SORBS3: variants seen among roughly 807,000 people sequenced by gnomAD.
SORBS3 encodes sorbin and SH3 domain containing 3, also known as vinexin.
In SORBS3, 69 loss-of-function variants were observed where a neutral mutation model predicts 98.0. That is an observed-to-expected ratio of 0.70 (90% CI 0.58 to 0.86). SORBS3 has a LOEUF of 0.86. SORBS3 is among the 40% of genes least tolerant of loss of function. The pLI is 0.00. For missense variants in SORBS3, 954 were observed against 908.5 expected, an observed-to-expected ratio of 1.05 and a Z score of -0.64; for synonymous variants, 394 against 355.4, an observed-to-expected ratio of 1.11 and a Z score of -1.22.
chr8:22,554,485 G>A lies in SORBS3; in HGVS notation c.-22G>A, dbSNP rs1444257103. 1.2e-6 allele frequency: 2 copies of A among 1,605,090 alleles called. No homozygotes were observed. Among genetic ancestry groups the A allele is most frequent in the Non-Finnish European group, 1.7e-6 (2 of 1,177,814 alleles). On this transcript the variant is annotated 5_prime_UTR_variant, in exon 2 of 21. Coordinates refer to ENST00000240123, the MANE Select transcript of SORBS3 (RefSeq NM_005775.5). The surrounding 1 kb of genome is among the most constrained non-coding windows in gnomAD (Gnocchi z 6.5). The stretch of plus-strand genomic sequence containing the variant: ...CAGAGGAGCAGCTGGCTTGCCCGGA[G>A]TCCTCCCACCTTGACCCAAGCATGC...
At chr8:22,571,973 G>A in intron 19 of SORBS3, 152 bp downstream of exon 19, 2 of 634,130 alleles carry the variant, frequency 3.2e-6, no homozygotes, top group South Asian at 1.8e-5. Flanking sequence ...GTGATTTGGG[G>A]CAGGGAGGAG....
In SORBS3 at chr8:22,554,957, G is replaced by C; in HGVS notation, c.197G>C (p.Arg66Thr). The change falls in exon 3 of 21, where the codon AGA becomes ACA. Residue 66 changes from arginine (R) to threonine (T), a missense_variant. Transcript: ENST00000240123. The surrounding 1 kb of genome is among the most constrained non-coding windows in gnomAD (Gnocchi z 6.5). ...GTGTGCAATGGGGGCTACACACCAA[G>C]ACGAGATGCTTCCCAGCACCCGGGT... ...RTVCNGGYTP[R>T]RDASQHPDPA... 2 of 1,613,684 alleles carry C rather than the reference G, an allele frequency of 1.2e-6. No individual in the cohort carries two copies. The highest frequency in any genetic ancestry group is 8.5e-7 in the Non-Finnish European group (1 of 1,179,954).
upstream of SORBS3, among the ~76,000 whole-genome samples, chr8:22,550,870 G>C (rs534568640): frequency 1.7e-4 from 26 of 152,336 alleles, no homozygotes; most frequent in African/African-American, 4.8e-4. Context: ...GGGGATCCCT[G>C]AGCCAACTCA....
At chr8:22,572,278 G>C (rs912877924) in intron 19 of SORBS3, 62 bp from the exon 20 acceptor site, 1 of 1,369,864 alleles carries the variant, frequency 7.3e-7, no homozygotes, top group Non-Finnish European at 1.0e-6. Context: ...CACAGGAAGC[G>C]GCAACACTTG....
At chr8:22,565,895 G>A in intron 12 of SORBS3, 23 bp downstream of exon 12, 1 of 1,242,218 alleles carries the variant, frequency 8.1e-7, no homozygotes, top group Non-Finnish European at 1.0e-6. Flanking sequence ...CGCGGGAGGA[G>A]GAAGGGGGCT....
At chr8:22,564,436 AC>A in intron 9 of SORBS3, 31 bp from the exon 10 acceptor site, 1 of 1,614,046 alleles carries the variant, frequency 6.2e-7, no homozygotes, top group Non-Finnish European at 8.5e-7. Flanking sequence ...AAGTGAGTTC[AC>A]CTGCTCTGAC....
At position 22,561,901 on chromosome 8, in the gene SORBS3, A is replaced by C. The variant is rs1490359599; in HGVS notation, c.554A>C (p.His185Pro). The change falls in exon 7 of 21, where the codon CAC (histidine) becomes CCC (proline). Residue 185 changes from histidine to proline, a missense_variant. His to Pro is a moderately conservative substitution (Grantham distance 77). Coordinates refer to ENST00000240123, the MANE Select transcript of SORBS3 (RefSeq NM_005775.5). ...RHLGAQQRPA[H>P]RPGPATSSSG... The stretch of plus-strand genomic sequence containing the variant: ...CTAGGAGCCCAGCAAAGACCTGCCC[A>C]CAGGCCCGGCCCGGCAACATCTTCC... 1 of 1,614,084 alleles carries C rather than the reference A, an allele frequency of 6.2e-7. No homozygotes were observed. The highest frequency in any genetic ancestry group is 8.5e-7 in the Non-Finnish European group (1 of 1,179,968).
At chr8:22,570,851 G>A in intron 17 of SORBS3, 59 bp from the exon 18 acceptor site, 1 of 1,492,758 alleles carries the variant, frequency 6.7e-7, no homozygotes, top group Non-Finnish European at 9.1e-7. Flanking sequence ...CCCAGATAAG[G>A]CACCCGTGGG....
At chr8:22,556,054 C>A (rs1164944699) in intron 3 of SORBS3, among the ~76,000 whole-genome samples, 1 of 152,190 alleles carries the variant, frequency 6.6e-6, no homozygotes, top group Non-Finnish European at 1.5e-5. Flanking sequence ...AGAGGCTGAG[C>A]TGCAATTCAC....
intron 5 of SORBS3, among the ~76,000 whole-genome samples, chr8:22,558,657 G>C (rs564610288): frequency 6.6e-5 from 10 of 152,332 alleles, no homozygotes; most frequent in Admixed American, 3.3e-4. Context: ...CACTATTCTA[G>C]GTGCCAAAGA....
chr8:22,568,941 C>A (rs1840494529), intron 16 of SORBS3, among the ~76,000 whole-genome samples: 1 of 152,226 alleles, frequency 6.6e-6, no homozygotes, highest in African/African-American at 2.4e-5. Context: ...AATTCTTCTT[C>A]CAGGGAGCGT....
chr8:22,556,686 A>C, intron 3 of SORBS3, 29 bp from the exon 4 acceptor site: 1 of 1,608,130 alleles, frequency 6.2e-7, no homozygotes. Context: ...CCTGCCTTTC[A>C]CTAATGCTCT....
rs1228971353 is a variant in SORBS3, at chr8:22,565,856, C to T, written c.934C>T (p.Gln312Ter). 1 of 1,278,016 alleles carries T rather than the reference C, an allele frequency of 7.8e-7. No individual in the cohort carries two copies. The highest frequency in any genetic ancestry group is 9.9e-7 in the Non-Finnish European group (1 of 1,011,836). 79.2% of individuals were successfully genotyped at this position (1,278,016 alleles called of 1,614,324 possible). Residue 312 changes from glutamine (Q) to a stop codon, truncating the protein, a stop_gained, in exon 12 of 21, where the codon CAG (glutamine) becomes TAG (stop). Coordinates refer to ENST00000240123, the MANE Select transcript of SORBS3 (RefSeq NM_005775.5). LOFTEE classifies it high-confidence loss of function. ...SSPAPRRAPE[Q>*]RPPAGPASAW... ...GCCGGCGCCCCGACGGGCCCCGGAG[C>T]AGCGGCCCCCGGCCGGGTGAGTGGG...
At chr8:22,561,555 C>T (rs1259230813) in intron 6 of SORBS3, 182 bp downstream of exon 6, 1 of 669,650 alleles carries the variant, frequency 1.5e-6, no homozygotes, top group Admixed American at 2.6e-5. Flanking sequence ...TAATTAACAG[C>T]CTCAGCTTGC....
chr8:22,565,392 C>A, intron 11 of SORBS3, 38 bp downstream of exon 11: 1 of 1,489,980 alleles, frequency 6.7e-7, no homozygotes, highest in Non-Finnish European at 9.1e-7. Flanking sequence ...GGCACGCCGG[C>A]GACCGCAGGG....
intron 11 of SORBS3, 118 bp downstream of exon 11, chr8:22,565,472 G>A: frequency 2.6e-6 from 2 of 776,762 alleles, no homozygotes; most frequent in Non-Finnish European, 3.7e-6. Flanking sequence ...GGCCTCCAGC[G>A]GCGCGCACCG....
At chr8:22,574,169 GT>G (rs147696981) in intron 20 of SORBS3, among the ~76,000 whole-genome samples, 8,617 of 152,134 alleles carry the variant, frequency 0.057, 476 homozygotes, top group African/African-American at 0.14. Context: ...GCCCGCTGGG[GT>G]TCCCCCCCCT....
chr8:22,564,120 C>T (rs760736336), intron 8 of SORBS3, 43 bp downstream of exon 8: 1 of 1,577,226 alleles, frequency 6.3e-7, no homozygotes, highest in Non-Finnish European at 8.7e-7. Context: ...CAGCTGTATG[C>T]CGTATGGCCA....
chr8:22,555,141 G>C (rs1840161391), intron 3 of SORBS3, among the ~76,000 whole-genome samples, 161 bp downstream of exon 3: 1 of 152,236 alleles, frequency 6.6e-6, no homozygotes, highest in African/African-American at 2.4e-5. Context: ...GCCCCTCCCT[G>C]CGGAGCCTGC....
Sources: allele counts gnomAD v4.1 joint callset (sites outside exome capture counted in the v4.1 genomes callset), GRCh38; gene constraint gnomAD v4.1.1; non-coding constraint Gnocchi (gnomAD v3.1); transcripts MANE v1.5; gene names NCBI Gene and HGNC (gene_info 2026-07-23, HGNC 2026-07-21).